SVOP: variants seen among roughly 807,000 people sequenced by gnomAD.
SVOP encodes SV2 related protein, also known as synaptic vesicle 2-related protein.
A neutral mutation model predicts 69.1 loss-of-function variants in SVOP; 17 were observed. That is an observed-to-expected ratio of 0.25 (90% CI 0.17 to 0.37). The LOEUF (loss-of-function observed/expected upper bound fraction) is 0.37. Among genes scored for constraint, SVOP ranks in the 10% least tolerant of loss-of-function variants. The probability of loss-of-function intolerance (pLI) is 1.00; values close to 1 mark genes in which losing one functional copy is unlikely to be tolerated. For synonymous variants in SVOP, 238 were observed against 238.6 expected (o/e 1.00, Z 0.02); for missense variants, 435 against 597.5 (o/e 0.73, Z 2.84).
At chr12:108,968,744 T>TTTTGTGTGTGTG (rs2040060950) in intron 5 of SVOP, among the ~76,000 whole-genome samples, 1 of 149,660 alleles carries the variant, frequency 6.7e-6, no homozygotes, top group Non-Finnish European at 1.5e-5. Context: ...TGTTTGTCTT[T>TTTTGTGTGTGTG]TGTGTGTGTG....
At chr12:109,005,047 A>T (rs911603848) in intron 1 of SVOP, among the ~76,000 whole-genome samples, 2 of 152,074 alleles carry the variant, frequency 1.3e-5, no homozygotes, top group Non-Finnish European at 2.9e-5. Flanking sequence ...CAGGTATTTT[A>T]AATAAGGAAG....
chr12:109,020,218 G>T (rs537809929), intron 1 of SVOP, among the ~76,000 whole-genome samples: 1 of 151,996 alleles, frequency 6.6e-6, no homozygotes, highest in Non-Finnish European at 1.5e-5. Flanking sequence ...CTGATGTTCC[G>T]ACAGTGAGTC....
intron 7 of SVOP, among the ~76,000 whole-genome samples, chr12:108,943,528 G>A (rs1421673326): frequency 4.6e-5 from 7 of 151,770 alleles, no homozygotes; most frequent in Admixed American, 4.6e-4. Flanking sequence ...AACCTGGGAG[G>A]CGGAGGATGC....
At chr12:108,956,258 C>A (rs532782189) in intron 6 of SVOP, among the ~76,000 whole-genome samples, 1 of 150,530 alleles carries the variant, frequency 6.6e-6, no homozygotes, top group South Asian at 2.1e-4. Flanking sequence ...GCCGAGATTG[C>A]GCCACTGCAC....
chr12:108,974,198 C>A (rs1274896184), intron 4 of SVOP, among the ~76,000 whole-genome samples: 4 of 152,108 alleles, frequency 2.6e-5, no homozygotes. Flanking sequence ...AGGAACAGAC[C>A]TGGTGCTGAA....
intron 11 of SVOP, among the ~76,000 whole-genome samples, chr12:108,930,564 A>C (rs897645951): frequency 1.3e-5 from 2 of 151,210 alleles, no homozygotes; most frequent in Non-Finnish European, 2.9e-5. Context: ...CTTCCTGAGT[A>C]GCTGGGATTA....
At chr12:108,975,278 A>G (rs1201979613) in intron 4 of SVOP, among the ~76,000 whole-genome samples, 1 of 152,226 alleles carries the variant, frequency 6.6e-6, no homozygotes, top group East Asian at 1.9e-4. Flanking sequence ...AAAAATGTGC[A>G]TCTGTAATAT....
At chr12:108,942,896 C>T (rs1461386549) in intron 7 of SVOP, among the ~76,000 whole-genome samples, 1 of 152,130 alleles carries the variant, frequency 6.6e-6, no homozygotes, top group African/African-American at 2.4e-5. Context: ...TCCTGAGTAG[C>T]TGGGATTACA....
At chr12:108,948,912 C>T (rs2039939129) in intron 6 of SVOP, among the ~76,000 whole-genome samples, 1 of 152,128 alleles carries the variant, frequency 6.6e-6, no homozygotes, top group African/African-American at 2.4e-5. Context: ...GAATGGTATG[C>T]TTATATTATT....
At chr12:109,014,694 C>G (rs976183371) in intron 1 of SVOP, among the ~76,000 whole-genome samples, 10 of 152,114 alleles carry the variant, frequency 6.6e-5, no homozygotes, top group African/African-American at 1.7e-4. Flanking sequence ...TACATCCTCA[C>G]CAACATTTGT....
intron 2 of SVOP, among the ~76,000 whole-genome samples, chr12:108,982,973 AATC>A (rs1301786795): frequency 2.1e-5 from 3 of 140,226 alleles, no homozygotes; most frequent in Non-Finnish European, 4.6e-5. Context: ...TCATCATCAT[AATC>A]ATCACTATCA....
intron 14 of SVOP, 44 bp from the exon 15 acceptor site, chr12:108,915,916 C>A: frequency 6.6e-7 from 1 of 1,506,278 alleles, no homozygotes; most frequent in East Asian, 2.5e-5. Flanking sequence ...CATGCAGGTT[C>A]CTCCCACCAC....
intron 1 of SVOP, among the ~76,000 whole-genome samples, chr12:109,015,138 G>A (rs1205196645): frequency 6.6e-6 from 1 of 152,188 alleles, no homozygotes; most frequent in African/African-American, 2.4e-5. Context: ...GAGACTTTAT[G>A]AGAGTGAAGC....
At chr12:108,960,740 A>G (rs2040013503) in intron 6 of SVOP, among the ~76,000 whole-genome samples, 183 bp downstream of exon 6, 1 of 152,170 alleles carries the variant, frequency 6.6e-6, no homozygotes, top group East Asian at 1.9e-4. Flanking sequence ...GTTGTTGATC[A>G]TAACAATACT....
intron 6 of SVOP, among the ~76,000 whole-genome samples, chr12:108,951,627 AC>A (rs1274379073): frequency 1.3e-5 from 2 of 151,906 alleles, no homozygotes; most frequent in African/African-American, 4.8e-5. Flanking sequence ...ACTGTTAAGA[AC>A]CACCAGCCTA....
intron 5 of SVOP, 26 bp from the exon 6 acceptor site, chr12:108,961,073 A>T: frequency 1.3e-6 from 2 of 1,529,250 alleles, no homozygotes; most frequent in Non-Finnish European, 1.8e-6. Flanking sequence ...ACACGGAATC[A>T]CAAGGGCTTT....
chr12:108,976,815 A>C (rs1233885009), intron 4 of SVOP, among the ~76,000 whole-genome samples: 1 of 151,912 alleles, frequency 6.6e-6, no homozygotes, highest in Non-Finnish European at 1.5e-5. Context: ...GGGTTTCACC[A>C]TATTGGTCAG....
At chr12:108,973,055 C>A (rs1416718766) in intron 4 of SVOP, among the ~76,000 whole-genome samples, 2 of 152,152 alleles carry the variant, frequency 1.3e-5, no homozygotes, top group Non-Finnish European at 2.9e-5. Context: ...ACCTGCTCCG[C>A]CTCCCTGAAA....
At chr12:109,020,751 TG>T (rs2040392042) in intron 1 of SVOP, 82 bp downstream of exon 1, 2 of 398,288 alleles carry the variant, frequency 5.0e-6, no homozygotes, top group African/African-American at 2.2e-5. Flanking sequence ...CATGCAGAGA[TG>T]TACCCCCCCC....
Sources: gnomAD v4.1 joint callset for allele counts (sites outside exome capture counted in the v4.1 genomes callset) on GRCh38, gnomAD v4.1.1 for gene constraint, MANE v1.5 for transcripts, NCBI Gene and HGNC (gene_info 2026-07-23, HGNC 2026-07-21) for gene names.